The following HPSE2 variants were observed in gnomAD, a reference collection of about 807,000 sequenced individuals.
HPSE2 encodes the protein inactive heparanase-2.
Under a neutral mutation model 60.5 loss-of-function variants are expected in HPSE2, and 38 were observed. That is an observed-to-expected ratio of 0.63 (90% confidence interval 0.48 to 0.82). The LOEUF is 0.82. HPSE2 is among the 40% of genes least tolerant of loss of function. The pLI is 0.00. For synonymous variants in HPSE2, 295 were observed against 293.2 expected, an observed-to-expected ratio of 1.01 and a Z score of -0.06; for missense variants, 713 against 740.4, an observed-to-expected ratio of 0.96 and a Z score of 0.43.
At chr10:99,069,825 G>C (rs1442846172) in intron 3 of HPSE2, among the ~76,000 whole-genome samples, 1 of 151,806 alleles carries the variant, frequency 6.6e-6, no homozygotes, top group Non-Finnish European at 1.5e-5. Context: ...ACCACTGTAA[G>C]AGTAGCAGCT....
chr10:98,942,035 AG>A (rs1955022612), intron 3 of HPSE2, among the ~76,000 whole-genome samples: 1 of 143,568 alleles, frequency 7.0e-6, no homozygotes, highest in Non-Finnish European at 1.5e-5. Flanking sequence ...ATAGGTAGAA[AG>A]CTGAAACTGG....
intron 3 of HPSE2, among the ~76,000 whole-genome samples, chr10:99,086,083 C>A (rs1053374795): frequency 6.6e-6 from 1 of 152,144 alleles, no homozygotes; most frequent in African/African-American, 2.4e-5. Flanking sequence ...ACTTCATTCT[C>A]TTCCAGAATT....
chr10:98,998,138 T>G, intron 3 of HPSE2, among the ~76,000 whole-genome samples: 1 of 152,348 alleles, frequency 6.6e-6, no homozygotes, highest in African/African-American at 2.4e-5. Flanking sequence ...TGAAAAGGTC[T>G]TTATCTTCAT....
At chr10:98,541,809 A>G (rs1027143603) in intron 9 of HPSE2, among the ~76,000 whole-genome samples, 2 of 152,256 alleles carry the variant, frequency 1.3e-5, no homozygotes, top group African/African-American at 4.8e-5. Flanking sequence ...TAAACAAAGC[A>G]GCCAGGAAGC....
intron 4 of HPSE2, among the ~76,000 whole-genome samples, chr10:98,736,007 C>G (rs1298800402): frequency 6.6e-6 from 1 of 151,974 alleles, no homozygotes; most frequent in Non-Finnish European, 1.5e-5. Flanking sequence ...TGGGAGGAGC[C>G]AGGGGTAGAA....
chr10:99,242,078 ACAGG>A, the HPSE2 span, among the ~76,000 whole-genome samples: 1 of 152,212 alleles, frequency 6.6e-6, no homozygotes, highest in Admixed American at 6.5e-5. Flanking sequence ...GAAAGGGAAA[ACAGG>A]AATAGGCAAA....
intron 3 of HPSE2, among the ~76,000 whole-genome samples, chr10:98,836,863 A>G (rs1951801464): frequency 6.6e-6 from 1 of 151,946 alleles, no homozygotes; most frequent in African/African-American, 2.4e-5. Flanking sequence ...ACATGGAGAA[A>G]CCCCGTCTCT....
intron 3 of HPSE2, among the ~76,000 whole-genome samples, chr10:98,825,604 C>T (rs908538171): frequency 0.026 from 98 of 3,730 alleles, 1 homozygote; most frequent in African/African-American, 0.1. Flanking sequence ...GCTCTAGCCC[C>T]GGGGTTGGGG....
intron 3 of HPSE2, among the ~76,000 whole-genome samples, chr10:99,091,344 A>C (rs1163777367): frequency 2.6e-5 from 4 of 152,154 alleles, no homozygotes; most frequent in Admixed American, 6.5e-5. Flanking sequence ...AAACCTTGTG[A>C]AAAAGAGAAT....
chr10:98,488,538 C>T (rs893778204), intron 10 of HPSE2, among the ~76,000 whole-genome samples: 3 of 152,180 alleles, frequency 2.0e-5, no homozygotes, highest in Non-Finnish European at 4.4e-5. Context: ...TATGAGGAGA[C>T]GCAAATCCTG....
chr10:98,492,497 G>A lies in HPSE2; in HGVS notation c.1321-2301C>T, dbSNP rs749835432. 2.5e-5 allele frequency among the ~76,000 whole-genome samples: 3 copies of A among 120,058 alleles called. No homozygotes were observed. The South Asian group carries it at 8.2e-4, about 33-fold the overall frequency. The allele number at this position is 120,058 out of a possible 152,430, so 78.8% of individuals were successfully genotyped here. A position where few individuals can be genotyped will look rare whatever the true frequency, so the allele number is the denominator to read the frequency against. On this transcript the variant is annotated intron_variant, in intron 9 of 11. Coordinates refer to ENST00000370552, the MANE Select transcript of HPSE2 (RefSeq NM_021828.5). ...AGCCTGGGCAACAGAACGAGATTCC[G>A]TCTCAAAAAAGACAAAAAAAAAAAA...
chr10:99,161,461 G>A (rs1846842114), intron 2 of HPSE2, among the ~76,000 whole-genome samples: 1 of 152,082 alleles, frequency 6.6e-6, no homozygotes, highest in African/African-American at 2.4e-5. Flanking sequence ...GACACAAAAA[G>A]ACCACGTATT....
chr10:99,249,516 G>T, the HPSE2 span, among the ~76,000 whole-genome samples: 7 of 152,174 alleles, frequency 4.6e-5, no homozygotes, highest in Non-Finnish European at 1.0e-4. Flanking sequence ...ACTTGTTTTT[G>T]ATTTTACAGG....
rs1391067201 is a variant in HPSE2, at chr10:99,003,024, C to T, written c.610+141214G>A. ...TCTTTGACCAACATCTTCCCATCCTCCCTATCCCCTGGTAACCACCACTCT... is the reference window on the plus strand; with the variant it reads ...TCTTTGACCAACATCTTCCCATCCTTCCTATCCCCTGGTAACCACCACTCT... On this transcript the variant is annotated intron_variant, in intron 3 of 11. Transcript: ENST00000370552. Among the ~76,000 whole-genome samples, 6 of 152,138 alleles carry T rather than the reference C, an allele frequency of 3.9e-5. No individual in the cohort carries two copies. In the South Asian group the frequency reaches 1.2e-3, roughly 32 times the overall value.
In HPSE2 at chr10:98,932,909, G is replaced by C. The variant is rs1191191907; in HGVS notation, c.611-188853C>G. Among the ~76,000 whole-genome samples the C allele has an allele frequency of 2.1e-5, 3 of 142,594 alleles. No homozygotes were observed. The East Asian group carries it at 5.9e-4, about 28-fold the overall frequency. 93.5% of individuals were successfully genotyped at this position (142,594 alleles called of 152,430 possible). On this transcript the variant is annotated intron_variant, in intron 3 of 11. Transcript: ENST00000370552. ...TTGCTAACAGTCTATCTATTTTATTGATTTTTTCAAAAACACAGCTCCTGG... is the reference window on the plus strand; with the variant it reads ...TTGCTAACAGTCTATCTATTTTATTCATTTTTTCAAAAACACAGCTCCTGG...
At chr10:98,473,174 G>A (rs1940850162) in intron 11 of HPSE2, among the ~76,000 whole-genome samples, 2 of 152,042 alleles carry the variant, frequency 1.3e-5, no homozygotes, top group Admixed American at 1.3e-4. Flanking sequence ...CTTCAACTAA[G>A]TTTGGATGAG....
intron 9 of HPSE2, among the ~76,000 whole-genome samples, chr10:98,532,231 C>T (rs923038719): frequency 6.6e-6 from 1 of 152,144 alleles, no homozygotes; most frequent in Admixed American, 6.5e-5. Context: ...AGTATTTCTT[C>T]AACACCTCTC....
intron 2 of HPSE2, among the ~76,000 whole-genome samples, chr10:99,228,937 G>T (rs951680777): frequency 6.6e-6 from 1 of 152,082 alleles, no homozygotes; most frequent in African/African-American, 2.4e-5. Flanking sequence ...ACTTTGGGGA[G>T]GCTGAACTGG....
At chr10:98,986,894 A>C (rs1244480081) in intron 3 of HPSE2, among the ~76,000 whole-genome samples, 2 of 152,236 alleles carry the variant, frequency 1.3e-5, no homozygotes, top group Non-Finnish European at 2.9e-5. Context: ...AAAATCTAGA[A>C]GAAATGGATA....
Sources: allele counts gnomAD v4.1 joint callset (sites outside exome capture counted in the v4.1 genomes callset), GRCh38; gene constraint gnomAD v4.1.1; transcripts MANE v1.5; gene names NCBI Gene and HGNC (gene_info 2026-07-23, HGNC 2026-07-21).